CCDC171: variants seen among roughly 807,000 people sequenced by gnomAD.
The protein encoded by CCDC171 is coiled-coil domain-containing protein 171.
In CCDC171, 177 loss-of-function variants were observed where a neutral mutation model predicts 168.2. The ratio of observed to expected loss-of-function variants is 1.05; its 90% CI spans 0.93 to 1.19. CCDC171 has a LOEUF of 1.19. Among genes scored for constraint, CCDC171 ranks in the 50% most tolerant of loss-of-function variants. CCDC171 has a pLI of 0.00. For missense variants in CCDC171, 1,991 were observed against 1,539.0 expected, an observed-to-expected ratio of 1.29 and a Z score of -4.91; for synonymous variants, 687 against 540.8, an observed-to-expected ratio of 1.27 and a Z score of -3.75.
chr9:16,011,082 G>T (rs1000368698), intron 3 of CCDC171, among the ~76,000 whole-genome samples: 3 of 152,200 alleles, frequency 2.0e-5, no homozygotes, highest in African/African-American at 7.2e-5. Flanking sequence ...GATCTTACTA[G>T]AAGCCTCTTT....
intron 7 of CCDC171, among the ~76,000 whole-genome samples, chr9:15,642,087 C>G (rs1358259931): frequency 1.3e-5 from 2 of 152,000 alleles, no homozygotes; most frequent in African/African-American, 4.8e-5. Context: ...TTGCTTGAAA[C>G]CAGGAGGTGG....
At chr9:15,804,407 C>T (rs958207786) in intron 21 of CCDC171, among the ~76,000 whole-genome samples, 2 of 151,082 alleles carry the variant, frequency 1.3e-5, no homozygotes, top group African/African-American at 4.9e-5. Context: ...TATGTTCCTT[C>T]AATACCTAGT....
intron 18 of CCDC171, among the ~76,000 whole-genome samples, chr9:15,748,459 G>C (rs1016665019): frequency 6.6e-6 from 1 of 152,082 alleles, no homozygotes; most frequent in African/African-American, 2.4e-5. Flanking sequence ...TTCAATTTCA[G>C]GAAGTACAGA....
chr9:15,618,726 T>C lies in CCDC171; in HGVS notation c.676-4541T>C, dbSNP rs541874829. On this transcript the variant is annotated intron_variant, in intron 6 of 25. Coordinates refer to ENST00000380701, the MANE Select transcript of CCDC171 (RefSeq NM_173550.4). The stretch of plus-strand genomic sequence containing the variant: ...GTAGTACTCAGGGCGGGTAGCACAG[T>C]CCCTCCCCACTTCCCCTGGCTGGCT... Among the ~76,000 whole-genome samples, 214 of 152,094 alleles carry C rather than the reference T, an allele frequency of 1.4e-3. 1 individual carries two copies. Among genetic ancestry groups the C allele is most frequent in the African/African-American group, 4.4e-3 (183 of 41,518 alleles).
intron 21 of CCDC171, among the ~76,000 whole-genome samples, chr9:15,813,511 A>AT (rs2059441327): frequency 6.6e-6 from 1 of 152,188 alleles, no homozygotes. Flanking sequence ...CTTTGACCAC[A>AT]ACCAACAGTT....
chr9:16,021,629 A>G (rs1416425707), intron 4 of CCDC171, among the ~76,000 whole-genome samples: 1 of 152,198 alleles, frequency 6.6e-6, no homozygotes, highest in African/African-American at 2.4e-5. Context: ...GAGGAAATAA[A>G]TGTCTCATAA....
chr9:15,875,301 C>T (rs985914736), intron 24 of CCDC171: 1 of 151,910 alleles, frequency 6.6e-6, no homozygotes, highest in African/African-American at 2.4e-5. Flanking sequence ...TTAAAGTACA[C>T]TAATAAACTT....
intron 20 of CCDC171, among the ~76,000 whole-genome samples, chr9:15,781,838 C>T (rs903236981): frequency 1.3e-5 from 2 of 152,152 alleles, no homozygotes; most frequent in African/African-American, 4.8e-5. Flanking sequence ...GACGTTGACT[C>T]ATTTGGTCCT....
intron 11 of CCDC171, among the ~76,000 whole-genome samples, chr9:15,703,786 G>A (rs1278591163): frequency 2.6e-5 from 4 of 152,162 alleles, no homozygotes; most frequent in Admixed American, 6.5e-5. Flanking sequence ...GGGATTGCTG[G>A]ATCATATGCT....
chr9:15,854,486 G>T (rs1170354098), intron 23 of CCDC171, among the ~76,000 whole-genome samples: 1 of 151,450 alleles, frequency 6.6e-6, no homozygotes, highest in Non-Finnish European at 1.5e-5. Context: ...CTCTTGGTCA[G>T]TCTAGGTAAG....
intron 6 of CCDC171, among the ~76,000 whole-genome samples, chr9:15,609,988 T>C (rs2043530812): frequency 6.6e-6 from 1 of 152,156 alleles, no homozygotes; most frequent in African/African-American, 2.4e-5. Context: ...TTTTTACTCT[T>C]ATTTTCTGAG....
At chr9:16,038,551 C>G (rs563563552), upstream of CCDC171, among the ~76,000 whole-genome samples, 13 of 151,632 alleles carry the variant, frequency 8.6e-5, no homozygotes, top group Admixed American at 7.9e-4. Context: ...TATGTATATA[C>G]AGAAATACAA....
In CCDC171 at chr9:15,564,047, A is replaced by C; in HGVS notation, c.-42A>C. 1 of 1,499,952 alleles carries C rather than the reference A, an allele frequency of 6.7e-7. No homozygotes were observed. The allele number at this position is 1,499,952 out of a possible 1,614,324, so 92.9% of individuals were successfully genotyped here. A position where few individuals can be genotyped will look rare whatever the true frequency, so the allele number is the denominator to read the frequency against. Reference sequence around the variant, plus strand: ...TTAATCATCAAGAAAGAAATATGTCATTAAGAAATAGCAGGGTATTTTGAA... The same window carrying C: ...TTAATCATCAAGAAAGAAATATGTCCTTAAGAAATAGCAGGGTATTTTGAA... On this transcript the variant is annotated 5_prime_UTR_variant, in exon 2 of 26. Transcript: ENST00000380701.
chr9:16,108,734 G>A, the CCDC171 span, among the ~76,000 whole-genome samples: 22 of 152,206 alleles, frequency 1.4e-4, 1 homozygote, highest in South Asian at 3.1e-3. Flanking sequence ...CAGTTCAGCC[G>A]GCCCTGACTG....
chr9:15,721,972 T>A, intron 12 of CCDC171, 97 bp downstream of exon 12: 1 of 484,368 alleles, frequency 2.1e-6, no homozygotes, highest in Non-Finnish European at 3.6e-6. Flanking sequence ...TTGGGAATGT[T>A]GAACTGACAG....
chr9:15,684,882 C>G (rs1255253313), intron 10 of CCDC171, among the ~76,000 whole-genome samples: 1 of 152,076 alleles, frequency 6.6e-6, no homozygotes, highest in East Asian at 1.9e-4. Context: ...TTTTTAGTCC[C>G]CTGTTTACAC....
intron 10 of CCDC171, among the ~76,000 whole-genome samples, chr9:15,679,751 G>A (rs1042007634): frequency 3.3e-5 from 5 of 152,120 alleles, no homozygotes; most frequent in African/African-American, 1.2e-4. Flanking sequence ...GTCTCGCTAT[G>A]TTGGCCAGGC....
intron 11 of CCDC171, among the ~76,000 whole-genome samples, chr9:15,698,149 A>G (rs958290765): frequency 2.0e-4 from 31 of 152,258 alleles, no homozygotes; most frequent in African/African-American, 6.3e-4. Flanking sequence ...CTTCAATACC[A>G]TCCTCCACAC....
At chr9:15,658,873 A>G (rs941478961) in intron 8 of CCDC171, among the ~76,000 whole-genome samples, 1 of 152,198 alleles carries the variant, frequency 6.6e-6, no homozygotes, top group Admixed American at 6.5e-5. Context: ...GTTGTTTTAA[A>G]TTGCCAATTT....
Sources: gnomAD v4.1 joint callset for allele counts (sites outside exome capture counted in the v4.1 genomes callset) on GRCh38, gnomAD v4.1.1 for gene constraint, MANE v1.5 for transcripts, NCBI Gene and HGNC (gene_info 2026-07-23, HGNC 2026-07-21) for gene names.